The following DNAJC11 variants were observed in gnomAD, a reference collection of about 807,000 sequenced individuals.
DNAJC11 encodes the protein DnaJ heat shock protein family (Hsp40) member C11, also known as dnaJ homolog subfamily C member 11.
DNAJC11 carries 15 observed loss-of-function variants against 78.6 expected under a neutral mutation model. That is an observed-to-expected ratio of 0.19 (90% confidence interval 0.13 to 0.29). DNAJC11 has a LOEUF of 0.29. Ranked by LOEUF, DNAJC11 falls within the 10% of genes least tolerant of loss-of-function variation. The pLI, the probability that DNAJC11 is intolerant of heterozygous loss-of-function variation, is 1.00. For missense variants in DNAJC11, 547 were observed against 709.6 expected (o/e 0.77, Z 2.60); for synonymous variants, 292 against 272.1 (o/e 1.07, Z -0.72).
At chr1:6,664,813 ACT>A (rs1344538915) in intron 4 of DNAJC11, among the ~76,000 whole-genome samples, 1 of 152,086 alleles carries the variant, frequency 6.6e-6, no homozygotes, top group Non-Finnish European at 1.5e-5. Flanking sequence ...CAAACGGCTC[ACT>A]CTGTGTCCTG....
At chr1:6,685,018 A>G (rs951549710) in intron 1 of DNAJC11, among the ~76,000 whole-genome samples, 2 of 152,202 alleles carry the variant, frequency 1.3e-5, no homozygotes, top group African/African-American at 4.8e-5. Flanking sequence ...CAGTACAGTA[A>G]TCCCAGCACT....
rs200392372 is a variant in DNAJC11, at chr1:6,644,684, G to C, written c.981-10C>G. The C allele has an allele frequency of 3.1e-6, 5 of 1,608,800 alleles. No homozygotes were observed. The highest frequency in any genetic ancestry group is 3.3e-5 in the Admixed American group (2 of 60,014). ...CCCAAAGAAGCCTGCTCTGCAGGGAGAGAACGCGGTCTGTGCCTGTGCCCC... is the reference window on the plus strand; with the variant it reads ...CCCAAAGAAGCCTGCTCTGCAGGGACAGAACGCGGTCTGTGCCTGTGCCCC... On this transcript the variant is annotated splice_polypyrimidine_tract_variant and intron_variant, in intron 9 of 15. Transcript: ENST00000377577.
At chr1:6,690,618 G>A (rs545464442) in intron 1 of DNAJC11, among the ~76,000 whole-genome samples, 2 of 152,208 alleles carry the variant, frequency 1.3e-5, no homozygotes, top group Non-Finnish European at 2.9e-5. Context: ...GATTTCAGTT[G>A]TCCTTCACTT....
rs1308269105 is a variant in DNAJC11 at position 6,680,571 on chromosome 1, GAAC to G, written c.202+334_202+336del. On this transcript the variant is annotated intron_variant, in intron 2 of 15. Coordinates refer to ENST00000377577, the MANE Select transcript of DNAJC11 (RefSeq NM_018198.4). This position sits in a 1 kb window ranked among gnomAD's most constrained non-coding sequence, Gnocchi z 4.0. ...TCCTTGTATCTTCTAACAAAAAAGA[GAAC>G]AAAGAAACCTTCCCTGTAACGATCA... 6.6e-6 allele frequency among the ~76,000 whole-genome samples: 1 copy of G among 152,100 alleles called. No individual in the cohort carries two copies. Among genetic ancestry groups the G allele is most frequent in the Non-Finnish European group, 1.5e-5 (1 of 67,994 alleles).
intron 10 of DNAJC11, among the ~76,000 whole-genome samples, chr1:6,640,538 T>C (rs770324098): frequency 6.6e-6 from 1 of 152,144 alleles, no homozygotes; most frequent in Non-Finnish European, 1.5e-5. Context: ...CTGGACCACA[T>C]ATAAAAAATT....
At chr1:6,690,016 C>A (rs928077987) in intron 1 of DNAJC11, among the ~76,000 whole-genome samples, 8 of 152,132 alleles carry the variant, frequency 5.3e-5, no homozygotes, top group Non-Finnish European at 7.4e-5. Context: ...TATCAGACTC[C>A]CATTTTACAG....
chr1:6,637,634 G>T, intron 12 of DNAJC11, 130 bp from the exon 13 acceptor site: 1 of 1,002,886 alleles, frequency 1.0e-6, no homozygotes, highest in Non-Finnish European at 1.5e-6. Flanking sequence ...AAGGGAGTGG[G>T]CACCCTGACA....
At chr1:6,698,108 T>C (rs1385185916) in intron 1 of DNAJC11, among the ~76,000 whole-genome samples, 1 of 152,218 alleles carries the variant, frequency 6.6e-6, no homozygotes, top group Non-Finnish European at 1.5e-5. Flanking sequence ...AATTTTAAAG[T>C]AGGATTCCCT....
chr1:6,661,822 C>T (rs766181825), intron 4 of DNAJC11, among the ~76,000 whole-genome samples: 1 of 152,194 alleles, frequency 6.6e-6, no homozygotes, highest in African/African-American at 2.4e-5. Context: ...TTGCTGGCTA[C>T]GGTTATTAGC....
intron 15 of DNAJC11, among the ~76,000 whole-genome samples, 186 bp from the exon 16 acceptor site, chr1:6,635,886 C>T (rs576428956): frequency 1.2e-4 from 19 of 152,338 alleles, no homozygotes; most frequent in South Asian, 2.1e-4. Flanking sequence ...CCACTCAAGC[C>T]GCAGTTTCCA....
intron 3 of DNAJC11, among the ~76,000 whole-genome samples, chr1:6,677,494 G>A (rs1387155994): frequency 6.6e-6 from 1 of 152,130 alleles, no homozygotes; most frequent in Non-Finnish European, 1.5e-5. Context: ...ACAGGGTCTT[G>A]CTATGTTTCT....
chr1:6,642,267 G>C (rs1641889284), intron 10 of DNAJC11, among the ~76,000 whole-genome samples: 1 of 152,194 alleles, frequency 6.6e-6, no homozygotes, highest in African/African-American at 2.4e-5. Context: ...GCAGAAGACA[G>C]ACGTGAACTG....
chr1:6,693,088 T>A (rs1642773732), intron 1 of DNAJC11, among the ~76,000 whole-genome samples: 1 of 150,832 alleles, frequency 6.6e-6, no homozygotes, highest in African/African-American at 2.4e-5. Context: ...TTTTTTCGTA[T>A]TTTTAGTACA....
At chr1:6,699,898 T>C (rs1642898177) in intron 1 of DNAJC11, among the ~76,000 whole-genome samples, 1 of 152,172 alleles carries the variant, frequency 6.6e-6, no homozygotes, top group Non-Finnish European at 1.5e-5. Context: ...CAGTGGCCCA[T>C]ACATTCGAGG....
intron 4 of DNAJC11, among the ~76,000 whole-genome samples, chr1:6,664,460 G>T (rs1332959650): frequency 6.6e-6 from 1 of 151,990 alleles, no homozygotes; most frequent in Non-Finnish European, 1.5e-5. Flanking sequence ...GGATGGTCTC[G>T]ATCTCCTGAC....
At chr1:6,667,605 GT>G in intron 4 of DNAJC11, 103 bp downstream of exon 4, 1 of 957,958 alleles carries the variant, frequency 1.0e-6, no homozygotes. Flanking sequence ...CAGCTTGTAT[GT>G]TTTTACTTTA....
intron 3 of DNAJC11, among the ~76,000 whole-genome samples, chr1:6,676,510 T>A (rs1053370250): frequency 6.6e-6 from 1 of 151,604 alleles, no homozygotes; most frequent in African/African-American, 2.4e-5. Context: ...AAAGACCCCA[T>A]CTCTACAAAA....
intron 1 of DNAJC11, 123 bp downstream of exon 1, chr1:6,701,606 C>T (rs1642930264): frequency 2.0e-6 from 2 of 1,000,852 alleles, no homozygotes; most frequent in African/African-American, 3.5e-5. Context: ...TCGCCGGGGT[C>T]ACGCGGCCTC....
intron 10 of DNAJC11, among the ~76,000 whole-genome samples, chr1:6,640,956 C>T (rs1570264909): frequency 6.6e-6 from 1 of 152,128 alleles, no homozygotes; most frequent in East Asian, 1.9e-4. Flanking sequence ...CAACAACAGC[C>T]TTATCTATGT....
Sources: gnomAD v4.1 joint callset for allele counts (sites outside exome capture counted in the v4.1 genomes callset) on GRCh38, gnomAD v4.1.1 for gene constraint, Gnocchi (gnomAD v3.1) non-coding constraint, MANE v1.5 for transcripts, NCBI Gene and HGNC (gene_info 2026-07-23, HGNC 2026-07-21) for gene names.